Variants in DEFB4B observed in about 807,000 individuals in gnomAD.
DEFB4B encodes defensin beta 4B, also known as beta-defensin 4B.
At chr8:7,416,315 T>G (rs1261614313) in intron 1 of DEFB4B, among the ~76,000 whole-genome samples, 4 of 151,864 alleles carry the variant, frequency 2.6e-5, no homozygotes, top group African/African-American at 9.7e-5. Flanking sequence ...TTTCTGCCTT[T>G]TATTTAAAAA....
chr8:7,415,639 GC>G (rs1808806842), intron 1 of DEFB4B, among the ~76,000 whole-genome samples: 1 of 149,872 alleles, frequency 6.7e-6, no homozygotes, highest in Admixed American at 6.7e-5. Flanking sequence ...TTTTGTAATG[GC>G]TTGTTTCTAA....
In DEFB4B at chr8:7,416,430, A is replaced by T. The variant is rs567390989; in HGVS notation, c.58+340T>A. On this transcript the variant is annotated intron_variant, in intron 1 of 1. Coordinates refer to ENST00000318157, the MANE Select transcript of DEFB4B (RefSeq NM_001205266.2). Reference sequence around the variant, plus strand: ...GGCTCCTTCATATTGGCTTAGAAGAACGAGTGAGGTGTCCATTGGGTTCTC... The same window carrying T: ...GGCTCCTTCATATTGGCTTAGAAGATCGAGTGAGGTGTCCATTGGGTTCTC... Among the ~76,000 whole-genome samples the T allele has an allele frequency of 1.3e-3, 192 of 151,860 alleles. 2 individuals carry two copies. Among genetic ancestry groups the T allele is most frequent in the Non-Finnish European group, 2.3e-3 (157 of 67,912 alleles).
intron 1 of DEFB4B, among the ~76,000 whole-genome samples, chr8:7,415,717 C>CTCCCTCCCTCCT (rs1808815793): frequency 7.8e-6 from 1 of 128,298 alleles, no homozygotes; most frequent in African/African-American, 3.0e-5. Flanking sequence ...CCCTCCCTCC[C>CTCCCTCCCTCCT]TCCCTCCTTC....
intron 1 of DEFB4B, among the ~76,000 whole-genome samples, 180 bp downstream of exon 1, chr8:7,416,590 A>G (rs1317682794): frequency 2.4e-5 from 2 of 81,634 alleles, no homozygotes; most frequent in Non-Finnish European, 4.8e-5. Flanking sequence ...GAAAGACAGA[A>G]AAAAAGAGAG....
chr8:7,415,624 A>G (rs1371512298), intron 1 of DEFB4B, among the ~76,000 whole-genome samples: 2 of 151,106 alleles, frequency 1.3e-5, no homozygotes, highest in African/African-American at 4.9e-5. Context: ...AACCATAGAA[A>G]TAAATTTTGT....
intron 1 of DEFB4B, among the ~76,000 whole-genome samples, chr8:7,415,718 TC>T (rs1255476399): frequency 2.6e-5 from 2 of 78,350 alleles, no homozygotes; most frequent in African/African-American, 4.9e-5. Context: ...CCTCCCTCCC[TC>T]CCTCCTTCCC....
chr8:7,416,861 T>C lies in DEFB4B; in HGVS notation c.-34A>G. 1 of 731,266 alleles carries C rather than the reference T, an allele frequency of 1.4e-6. No homozygotes were observed. The highest frequency in any genetic ancestry group is 2.0e-6 in the Non-Finnish European group (1 of 496,386). 45.3% of individuals were successfully genotyped at this position (731,266 alleles called of 1,614,324 possible). A position where few individuals can be genotyped will look rare whatever the true frequency, so the allele number is the denominator to read the frequency against. ...GCTGGGAGCTTCACCAGGAGCTGAG[T>C]CTGGGGAGGACATCAAGCCTTCCAC... On this transcript the variant is annotated 5_prime_UTR_variant, in exon 1 of 2. Coordinates refer to ENST00000318157, the MANE Select transcript of DEFB4B (RefSeq NM_001205266.2).
At chr8:7,415,705 C>CTCCT (rs1563323204) in intron 1 of DEFB4B, among the ~76,000 whole-genome samples, 76 of 123,666 alleles carry the variant, frequency 6.1e-4, no homozygotes, top group African/African-American at 2.2e-3. Flanking sequence ...CCCTCCCTCC[C>CTCCT]TCCCTCCCTC....
At chr8:7,415,536 G>T in intron 1 of DEFB4B, among the ~76,000 whole-genome samples, 1 of 151,396 alleles carries the variant, frequency 6.6e-6, no homozygotes, top group Non-Finnish European at 1.5e-5. Flanking sequence ...GATCTGAGAT[G>T]GGATAAAAAG....
chr8:7,415,597 A>C (rs1808804660), intron 1 of DEFB4B, among the ~76,000 whole-genome samples: 2 of 151,536 alleles, frequency 1.3e-5, no homozygotes, highest in African/African-American at 2.4e-5. Flanking sequence ...AGTAACTTAC[A>C]GTTGAAAACC....
chr8:7,416,183 T>G (rs1315820897), intron 1 of DEFB4B, among the ~76,000 whole-genome samples: 2 of 151,354 alleles, frequency 1.3e-5, no homozygotes, highest in Admixed American at 6.6e-5. Flanking sequence ...GCTGCAGTAG[T>G]TCTCACAGTA....
At chr8:7,416,174 C>T (rs1229701981) in intron 1 of DEFB4B, among the ~76,000 whole-genome samples, 2 of 151,166 alleles carry the variant, frequency 1.3e-5, no homozygotes, top group African/African-American at 4.9e-5. Context: ...AGAGTGTCTG[C>T]TGCAGTAGTT....
chr8:7,415,942 C>G (rs1211461635), intron 1 of DEFB4B, among the ~76,000 whole-genome samples: 1 of 147,384 alleles, frequency 6.8e-6, no homozygotes, highest in African/African-American at 2.5e-5. Context: ...TTAGGATTTA[C>G]TCTCAAATTT....
chr8:7,416,369 G>A (rs1808860366), intron 1 of DEFB4B, among the ~76,000 whole-genome samples: 1 of 151,758 alleles, frequency 6.6e-6, no homozygotes, highest in Non-Finnish European at 1.5e-5. Context: ...GTTGTAGCAT[G>A]GAAAGCAGTG....
At chr8:7,415,710 TC>T (rs1808814088) in intron 1 of DEFB4B, among the ~76,000 whole-genome samples, 1 of 68,042 alleles carries the variant, frequency 1.5e-5, no homozygotes, top group East Asian at 5.0e-4. Flanking sequence ...CCTCCCTCCC[TC>T]CCTCCCTCCC....
At chr8:7,415,797 T>C (rs1211314498) in intron 1 of DEFB4B, among the ~76,000 whole-genome samples, 1 of 144,412 alleles carries the variant, frequency 6.9e-6, no homozygotes, top group Non-Finnish European at 1.5e-5. Flanking sequence ...TCCTTCATTA[T>C]ACTGTTCTAG....
At chr8:7,415,750 CGCCTCCCT>C (rs761590005) in intron 1 of DEFB4B, among the ~76,000 whole-genome samples, 188 of 129,596 alleles carry the variant, frequency 1.5e-3, no homozygotes, top group African/African-American at 4.3e-3. Flanking sequence ...CCCACCTGCC[CGCCTCCCT>C]GCCTCCCTGC....
chr8:7,416,844 CT>C lies in DEFB4B; in HGVS notation c.-18del. On this transcript the variant is annotated 5_prime_UTR_variant, in exon 1 of 2. Transcript: ENST00000318157. The stretch of plus-strand genomic sequence containing the variant: ...GACCCTCATGGCTGATGGCTGGGAG[CT>C]TCACCAGGAGCTGAGTCTGGGGAGG... The C allele has an allele frequency of 1.2e-6, 1 of 814,166 alleles. No homozygotes were observed. The highest frequency in any genetic ancestry group is 1.8e-6 in the Non-Finnish European group (1 of 562,192). The allele number at this position is 814,166 out of a possible 1,614,324, so 50.4% of individuals were successfully genotyped here.
At chr8:7,415,689 A>ATCCCTCCCTCCCTCCCTCCCTCCCTCCC (rs1172499428) in intron 1 of DEFB4B, among the ~76,000 whole-genome samples, 1 of 67,450 alleles carries the variant, frequency 1.5e-5, no homozygotes, top group Non-Finnish European at 3.0e-5. Flanking sequence ...TTCTTTTTTT[A>ATCCCTCCCTCCCTCCCTCCCTCCCTCCC]TCCCTCCCTC....
Sources: gnomAD v4.1 joint callset for allele counts (sites outside exome capture counted in the v4.1 genomes callset) on GRCh38, gnomAD v4.1.1 for gene constraint, MANE v1.5 for transcripts, NCBI Gene and HGNC (gene_info 2026-07-23, HGNC 2026-07-21) for gene names.